The following RNF144B variants were observed in gnomAD, a reference collection of about 807,000 sequenced individuals.
RNF144B encodes ring finger protein 144B.
RNF144B carries 25 observed loss-of-function variants against 40.2 expected under a neutral mutation model. The ratio of observed to expected loss-of-function variants is 0.62; its 90% CI spans 0.45 to 0.87. The LOEUF is 0.87. RNF144B is among the 40% of genes least tolerant of loss of function. The pLI is 0.00. For synonymous variants in RNF144B, 145 were observed against 136.3 expected (o/e 1.06, Z -0.44); for missense variants, 365 against 373.7 (o/e 0.98, Z 0.19).
At position 18,408,511 on chromosome 6, in the gene RNF144B, A is replaced by G. The variant is rs139198978; in HGVS notation, c.165+8812A>G. Among the ~76,000 whole-genome samples, 27 of 152,336 alleles carry G rather than the reference A, an allele frequency of 1.8e-4. No individual in the cohort carries two copies. The East Asian group carries it at 5.0e-3, about 28-fold the overall frequency. ...TGATCTTATTCTATTTTGGATGGAA[A>G]CATGACTGTAGTGGAAACTGTGGCA... On this transcript the variant is annotated intron_variant, in intron 2 of 7. Coordinates refer to ENST00000259939, the MANE Select transcript of RNF144B (RefSeq NM_182757.4).
intron 2 of RNF144B, among the ~76,000 whole-genome samples, chr6:18,421,913 C>T (rs939214134): frequency 6.6e-6 from 1 of 152,096 alleles, no homozygotes; most frequent in African/African-American, 2.4e-5. Context: ...TTATTTATGG[C>T]TTGCTGTTTG....
rs557344826 is a variant in RNF144B at position 18,398,767 on chromosome 6, G to A, written c.-36-732G>A. Among the ~76,000 whole-genome samples, 14 of 152,158 alleles carry A rather than the reference G, an allele frequency of 9.2e-5. No homozygotes were observed. The highest frequency in any genetic ancestry group is 6.5e-4 in the Admixed American group (10 of 15,276). ...TGTGAATAATGTTGCTATGAATATG[G>A]GTGTACAAATATCTCTTTGAGACCC... On this transcript the variant is annotated intron_variant, in intron 1 of 7. Transcript: ENST00000259939. This position sits in a 1 kb window ranked among gnomAD's most constrained non-coding sequence, Gnocchi z 5.0.
chr6:18,411,273 G>A (rs1450746424), intron 2 of RNF144B, among the ~76,000 whole-genome samples: 3 of 151,008 alleles, frequency 2.0e-5, no homozygotes, highest in African/African-American at 7.3e-5. Context: ...ATAAGCCACC[G>A]TGCCCAGTGA....
intron 4 of RNF144B, among the ~76,000 whole-genome samples, chr6:18,445,005 T>C (rs769826689): frequency 9.9e-5 from 15 of 151,424 alleles, no homozygotes; most frequent in Non-Finnish European, 1.9e-4. Context: ...CCCTATGTAG[T>C]TATGTAGTTT....
Position 18,418,539 on chromosome 6 carries a change from A to G in RNF144B, c.166-9042A>G, listed in dbSNP as rs968659822. ...GGAAGATCTATACATACAGAAAGTCAAATGGTGGTTCCCTAGGGCTGTGCA... is the reference window on the plus strand; with the variant it reads ...GGAAGATCTATACATACAGAAAGTCGAATGGTGGTTCCCTAGGGCTGTGCA... On this transcript the variant is annotated intron_variant, in intron 2 of 7. Coordinates refer to ENST00000259939, the MANE Select transcript of RNF144B (RefSeq NM_182757.4). This position sits in a 1 kb window ranked among gnomAD's most constrained non-coding sequence, Gnocchi z 5.2. Among the ~76,000 whole-genome samples, 4 of 152,176 alleles carry G rather than the reference A, an allele frequency of 2.6e-5. No individual in the cohort carries two copies. The highest frequency in any genetic ancestry group is 7.2e-5 in the African/African-American group (3 of 41,460).
intron 2 of RNF144B, among the ~76,000 whole-genome samples, chr6:18,424,931 C>T (rs1461049277): frequency 6.6e-6 from 1 of 152,166 alleles, no homozygotes; most frequent in Non-Finnish European, 1.5e-5. Context: ...CATTTTCCCA[C>T]AAAGTCTTTG....
rs1456885090 is a variant in RNF144B at position 18,441,847 on chromosome 6, CTT to C, written c.331+2104_331+2105del. Among the ~76,000 whole-genome samples the C allele has an allele frequency of 6.6e-6, 1 of 152,182 alleles. No homozygotes were observed. The highest frequency in any genetic ancestry group is 1.5e-5 in the Non-Finnish European group (1 of 68,026). On this transcript the variant is annotated intron_variant, in intron 4 of 7. Transcript: ENST00000259939. The surrounding 1 kb of genome is among the most constrained non-coding windows in gnomAD (Gnocchi z 4.9). ...TATGTGAATTAATACTTGTAAAGCA[CTT>C]CCTGTGAGTGCTTCCTGTGTCTCAG...
chr6:18,425,323 A>G lies in RNF144B; in HGVS notation c.166-2258A>G, dbSNP rs543969722. On this transcript the variant is annotated intron_variant, in intron 2 of 7. Coordinates refer to ENST00000259939, the MANE Select transcript of RNF144B (RefSeq NM_182757.4). This position sits in a 1 kb window ranked among gnomAD's most constrained non-coding sequence, Gnocchi z 4.2. The stretch of plus-strand genomic sequence containing the variant: ...TTTCTTTAAGTGGCTGCTGGGGGTC[A>G]GTGGGAAGATCAAGGCAGTAACAAT... 1.3e-5 allele frequency among the ~76,000 whole-genome samples: 2 copies of G among 152,154 alleles called. No homozygotes were observed. Among genetic ancestry groups the G allele is most frequent in the Non-Finnish European group, 2.9e-5 (2 of 68,022 alleles).
intron 2 of RNF144B, 30 bp from the exon 3 acceptor site, chr6:18,427,551 G>A (rs1758586850): frequency 4.7e-6 from 7 of 1,490,942 alleles, no homozygotes; most frequent in Non-Finnish European, 6.5e-6. Context: ...TAATGGAATG[G>A]GCAATTGTCT....
At position 18,434,091 on chromosome 6, in the gene RNF144B, C is replaced by G. The variant is rs1387154699; in HGVS notation, c.271-5593C>G. ...TGTTTAATTTTTAAAGCAACTGTAG[C>G]AGAAGCATGATTTGAAGGACCAAAC... On this transcript the variant is annotated intron_variant, in intron 3 of 7. Transcript: ENST00000259939. The surrounding 1 kb of genome is among the most constrained non-coding windows in gnomAD (Gnocchi z 4.1). Among the ~76,000 whole-genome samples, 3 of 152,162 alleles carry G rather than the reference C, an allele frequency of 2.0e-5. No individual in the cohort carries two copies. The highest frequency in any genetic ancestry group is 7.2e-5 in the African/African-American group (3 of 41,438).
At chr6:18,417,460 C>G (rs1365493842) in intron 2 of RNF144B, among the ~76,000 whole-genome samples, 1 of 151,998 alleles carries the variant, frequency 6.6e-6, no homozygotes, top group Non-Finnish European at 1.5e-5. Context: ...ACAAGGGTGC[C>G]AAGACAATTC....
Position 18,456,150 on chromosome 6 carries a change from C to T in RNF144B, c.332-1005C>T, listed in dbSNP as rs1206147955. Among the ~76,000 whole-genome samples, 1 of 152,154 alleles carries T rather than the reference C, an allele frequency of 6.6e-6. No homozygotes were observed. Among genetic ancestry groups the T allele is most frequent in the African/African-American group, 2.4e-5 (1 of 41,440 alleles). On this transcript the variant is annotated intron_variant, in intron 4 of 7. Coordinates refer to ENST00000259939, the MANE Select transcript of RNF144B (RefSeq NM_182757.4). The surrounding 1 kb of genome is among the most constrained non-coding windows in gnomAD (Gnocchi z 4.7). ...TGTTAGCCAGGATGGTCTTGATCTC[C>T]TAACCTTGTGATCCGCCTACCTCAG...
Position 18,456,124 on chromosome 6 carries a change from C to A in RNF144B, c.332-1031C>A, listed in dbSNP as rs7748595. Among the ~76,000 whole-genome samples, 4 of 152,000 alleles carry A rather than the reference C, an allele frequency of 2.6e-5. No homozygotes were observed. Among genetic ancestry groups the A allele is most frequent in the South Asian group, 2.1e-4 (1 of 4,834 alleles). On this transcript the variant is annotated intron_variant, in intron 4 of 7. Transcript: ENST00000259939. The surrounding 1 kb of genome is among the most constrained non-coding windows in gnomAD (Gnocchi z 4.7). ...TTTTTAGTAGAGATGGTGTTTCACC[C>A]TGTTAGCCAGGATGGTCTTGATCTC...
chr6:18,406,497 T>A lies in RNF144B; in HGVS notation c.165+6798T>A, dbSNP rs1441789067. 9.8e-6 allele frequency among the ~76,000 whole-genome samples: 1 copy of A among 102,560 alleles called. No homozygotes were observed. Among genetic ancestry groups the A allele is most frequent in the African/African-American group, 3.8e-5 (1 of 26,090 alleles). The allele number at this position is 102,560 out of a possible 152,430, so 67.3% of individuals were successfully genotyped here. On this transcript the variant is annotated intron_variant, in intron 2 of 7. Transcript: ENST00000259939. This position sits in a 1 kb window ranked among gnomAD's most constrained non-coding sequence, Gnocchi z 4.2. ...GTGTGTGTGTGTGTGTGTGTGTGTG[T>A]GTGTAGGGGGAGTAGTAGGAGATGA...
At position 18,395,728 on chromosome 6, in the gene RNF144B, G is replaced by A. The variant is rs1291116816; in HGVS notation, c.-36-3771G>A. ...CTTCTGCAATGGTGCCTGGGGGGCT[G>A]CTGAGTGGGGAAGGTCAAGGGGACT... is the stretch of plus-strand genomic sequence containing the variant. On this transcript the variant is annotated intron_variant, in intron 1 of 7. Transcript: ENST00000259939. This position sits in a 1 kb window ranked among gnomAD's most constrained non-coding sequence, Gnocchi z 4.5. Among the ~76,000 whole-genome samples, 1 of 152,154 alleles carries A rather than the reference G, an allele frequency of 6.6e-6. No individual in the cohort carries two copies. The highest frequency in any genetic ancestry group is 1.5e-5 in the Non-Finnish European group (1 of 68,026).
chr6:18,427,508 TG>T, intron 2 of RNF144B, 72 bp from the exon 3 acceptor site: 1 of 948,316 alleles, frequency 1.1e-6, no homozygotes, highest in Non-Finnish European at 1.7e-6. Flanking sequence ...GAAGACACAG[TG>T]GTGGTTCTGT....
At chr6:18,439,039 G>A (rs1758889000) in intron 3 of RNF144B, among the ~76,000 whole-genome samples, 1 of 152,084 alleles carries the variant, frequency 6.6e-6, no homozygotes, top group South Asian at 2.1e-4. Flanking sequence ...GTGAATTGTT[G>A]TTGTTTACTA....
In RNF144B at chr6:18,406,474, G is replaced by GTGTGTA. The variant is rs1392243997; in HGVS notation, c.165+6780_165+6781insATGTGT. On this transcript the variant is annotated intron_variant, in intron 2 of 7. Transcript: ENST00000259939. The surrounding 1 kb of genome is among the most constrained non-coding windows in gnomAD (Gnocchi z 4.2). Reference sequence around the variant, plus strand: ...GCTGGAAAAGTGTGTGTGTGTGTGTGTGTGTGTGTGTGTGTGTGTGTGTGT... The same window carrying GTGTGTA: ...GCTGGAAAAGTGTGTGTGTGTGTGTGTGTGTATGTGTGTGTGTGTGTGTGTGTGTGT... Among the ~76,000 whole-genome samples, 1 of 148,836 alleles carries GTGTGTA rather than the reference G, an allele frequency of 6.7e-6. No homozygotes were observed. The highest frequency in any genetic ancestry group is 2.5e-5 in the African/African-American group (1 of 39,862).
chr6:18,391,303 A>G (rs1794574202), intron 1 of RNF144B, among the ~76,000 whole-genome samples: 1 of 152,142 alleles, frequency 6.6e-6, no homozygotes, highest in Non-Finnish European at 1.5e-5. Flanking sequence ...GAAGAAAATT[A>G]TTTAGCAGGG....
Sources: allele counts gnomAD v4.1 joint callset (sites outside exome capture counted in the v4.1 genomes callset), GRCh38; gene constraint gnomAD v4.1.1; non-coding constraint Gnocchi (gnomAD v3.1); transcripts MANE v1.5; gene names NCBI Gene and HGNC (gene_info 2026-07-23, HGNC 2026-07-21).